Variants in FER1L6 observed in about 807,000 individuals in gnomAD.
The protein encoded by FER1L6 is fer-1 like family member 6, also known as fer-1-like protein 6.
FER1L6 carries 177 observed loss-of-function variants against 219.2 expected under a neutral mutation model. That is an observed-to-expected ratio of 0.81 (90% CI 0.71 to 0.91). The LOEUF (loss-of-function observed/expected upper bound fraction) is 0.91, where lower values mean the gene tolerates loss of function less well. FER1L6 is among the 40% of genes least tolerant of loss of function. FER1L6 has a pLI of 0.00. For missense variants in FER1L6, 2,153 were observed against 2,259.9 expected (o/e 0.95, Z 0.96); for synonymous variants, 768 against 824.3 (o/e 0.93, Z 1.17).
chr8:123,891,195 C>T (rs1039725348), intron 1 of FER1L6, among the ~76,000 whole-genome samples: 10 of 152,042 alleles, frequency 6.6e-5, no homozygotes, highest in African/African-American at 2.2e-4. Context: ...TAGGTACAAG[C>T]GTGGCACTGG....
intron 12 of FER1L6, among the ~76,000 whole-genome samples, chr8:124,002,641 A>G (rs1214865877): frequency 1.3e-5 from 2 of 151,872 alleles, no homozygotes; most frequent in African/African-American, 4.8e-5. Context: ...TTGTAGGGGA[A>G]AAAATGATGT....
intron 1 of FER1L6, among the ~76,000 whole-genome samples, chr8:123,894,511 G>A (rs535298073): frequency 6.6e-6 from 1 of 152,150 alleles, no homozygotes; most frequent in Non-Finnish European, 1.5e-5. Context: ...ATGAGAAATT[G>A]CTCTGGAAGA....
At chr8:124,055,698 G>C (rs77512429) in intron 22 of FER1L6, among the ~76,000 whole-genome samples, 1 of 152,054 alleles carries the variant, frequency 6.6e-6, no homozygotes, top group Non-Finnish European at 1.5e-5. Flanking sequence ...TGCTTCCTGT[G>C]TTGGTTTCCT....
intron 18 of FER1L6, among the ~76,000 whole-genome samples, chr8:124,028,946 T>A (rs1312988606): frequency 3.3e-5 from 5 of 152,034 alleles, no homozygotes; most frequent in African/African-American, 1.2e-4. Flanking sequence ...TTGTCCCCCA[T>A]CCCCTGACAG....
intron 1 of FER1L6, among the ~76,000 whole-genome samples, chr8:123,878,440 C>G (rs769332041): frequency 6.6e-6 from 1 of 152,182 alleles, no homozygotes; most frequent in Non-Finnish European, 1.5e-5. Flanking sequence ...AAGCTTCTGA[C>G]GTACCCATCA....
At chr8:123,957,930 G>C (rs1815092033) in intron 2 of FER1L6, among the ~76,000 whole-genome samples, 1 of 152,208 alleles carries the variant, frequency 6.6e-6, no homozygotes, top group Admixed American at 6.5e-5. Context: ...CTTTGGTCTT[G>C]CCTTCTTGGC....
At chr8:124,076,142 T>C in intron 31 of FER1L6, 56 bp from the exon 32 acceptor site, 1 of 1,603,828 alleles carries the variant, frequency 6.2e-7, no homozygotes, top group Non-Finnish European at 8.5e-7. Flanking sequence ...GTAATCCCAG[T>C]GTACAACCAA....
At chr8:123,948,911 A>G (rs1814625392) in intron 1 of FER1L6, among the ~76,000 whole-genome samples, 1 of 152,028 alleles carries the variant, frequency 6.6e-6, no homozygotes, top group African/African-American at 2.4e-5. Flanking sequence ...TGTTCCTCTG[A>G]TTTGCAAAGA....
intron 10 of FER1L6, 56 bp downstream of exon 10, chr8:123,977,665 C>T: frequency 6.5e-7 from 1 of 1,537,078 alleles, no homozygotes; most frequent in South Asian, 1.2e-5. Context: ...CTTTAGAGCC[C>T]TCATCTTTAA....
rs973665419 is a variant in FER1L6, at chr8:123,933,407, T to A, written c.-7-22585T>A. 2.6e-3 allele frequency among the ~76,000 whole-genome samples: 357 copies of A among 139,072 alleles called. 1 individual carries two copies. The highest frequency in any genetic ancestry group is 2.7e-3 in the Non-Finnish European group (175 of 63,802). The allele number at this position is 139,072 out of a possible 152,430, so 91.2% of individuals were successfully genotyped here. ...GTGTGTGTGTGTGTGTGTGTCTGTG[T>A]GTGTGTAGCCTCACACTAGCCTATA... On this transcript the variant is annotated intron_variant, in intron 1 of 40. Transcript: ENST00000522917.
chr8:124,018,193 T>C (rs753162400), intron 16 of FER1L6, among the ~76,000 whole-genome samples: 13 of 152,210 alleles, frequency 8.5e-5, no homozygotes, highest in Non-Finnish European at 1.8e-4. Context: ...TCAGTTCTTC[T>C]TCAGTGACTG....
At chr8:124,106,558 G>C (rs895823930) in intron 39 of FER1L6, among the ~76,000 whole-genome samples, 1 of 152,052 alleles carries the variant, frequency 6.6e-6, no homozygotes, top group African/African-American at 2.4e-5. Flanking sequence ...CCGGACTCTT[G>C]CTTGTCTGGT....
At chr8:124,059,416 G>T (rs990266196) in intron 22 of FER1L6, among the ~76,000 whole-genome samples, 1 of 151,984 alleles carries the variant, frequency 6.6e-6, no homozygotes, top group Non-Finnish European at 1.5e-5. Flanking sequence ...GCTGGGACAG[G>T]GTCAGAAAAA....
At chr8:123,918,122 C>A (rs1813241770) in intron 1 of FER1L6, among the ~76,000 whole-genome samples, 1 of 152,048 alleles carries the variant, frequency 6.6e-6, no homozygotes, top group Non-Finnish European at 1.5e-5. Flanking sequence ...CCAGCCTGGG[C>A]AACATGGTAA....
chr8:124,083,868 G>T (rs890825003), intron 33 of FER1L6, among the ~76,000 whole-genome samples: 23 of 152,118 alleles, frequency 1.5e-4, no homozygotes, highest in African/African-American at 5.6e-4. Context: ...GGGTACTATG[G>T]ACATTTTAAC....
chr8:123,889,698 A>G (rs1812604930), intron 1 of FER1L6, among the ~76,000 whole-genome samples: 1 of 152,174 alleles, frequency 6.6e-6, no homozygotes, highest in Non-Finnish European at 1.5e-5. Context: ...TTCAGAAGTT[A>G]TCTAAAGGTT....
chr8:124,023,752 C>A (rs923229051), intron 18 of FER1L6, among the ~76,000 whole-genome samples, 156 bp downstream of exon 18: 1 of 152,170 alleles, frequency 6.6e-6, no homozygotes, highest in Non-Finnish European at 1.5e-5. Flanking sequence ...GTTCAAATTG[C>A]AATTCAGTAG....
intron 39 of FER1L6, 21 bp downstream of exon 39, chr8:124,103,330 G>A (rs767367389): frequency 1.2e-6 from 2 of 1,604,862 alleles, no homozygotes; most frequent in East Asian, 2.2e-5. Flanking sequence ...GCTATGGGAG[G>A]TGGAGGAGAT....
At chr8:123,947,953 G>A (rs1364566687) in intron 1 of FER1L6, among the ~76,000 whole-genome samples, 1 of 152,216 alleles carries the variant, frequency 6.6e-6, no homozygotes, top group Non-Finnish European at 1.5e-5. Context: ...GTGGACAAGA[G>A]AGTGTGTGAG....
Sources: allele counts gnomAD v4.1 joint callset (sites outside exome capture counted in the v4.1 genomes callset), GRCh38; gene constraint gnomAD v4.1.1; transcripts MANE v1.5; gene names NCBI Gene and HGNC (gene_info 2026-07-23, HGNC 2026-07-21).